The following FCHO1 variants were observed in gnomAD, a reference collection of about 807,000 sequenced individuals.
The protein encoded by FCHO1 is FCH and mu domain containing endocytic adaptor 1, also known as F-BAR domain only protein 1.
Under a neutral mutation model 114.4 loss-of-function variants are expected in FCHO1, and 45 were observed. The ratio of observed to expected loss-of-function variants is 0.39; its 90% CI spans 0.31 to 0.50. FCHO1 has a LOEUF of 0.50. Ranked by LOEUF, FCHO1 falls within the 20% of genes least tolerant of loss-of-function variation. The pLI is 0.77. For missense variants in FCHO1, 1,042 were observed against 1,209.6 expected (o/e 0.86, Z 2.06); for synonymous variants, 480 against 488.9 (o/e 0.98, Z 0.24).
chr19:17,783,275 T>C (rs2093593111), intron 24 of FCHO1, 103 bp downstream of exon 24: 5 of 1,306,312 alleles, frequency 3.8e-6, no homozygotes, highest in Non-Finnish European at 5.2e-6. Context: ...TCTTTTCTTT[T>C]TTTTTTGTAG....
intron 4 of FCHO1, among the ~76,000 whole-genome samples, chr19:17,762,307 T>A (rs533436456): frequency 7.2e-5 from 11 of 151,730 alleles, no homozygotes; most frequent in South Asian, 4.2e-4. Context: ...TTTTTTTTTT[T>A]AAATATAAAA....
At chr19:17,779,104 T>A (rs552415879) in intron 20 of FCHO1, among the ~76,000 whole-genome samples, 2 of 152,046 alleles carry the variant, frequency 1.3e-5, no homozygotes, top group South Asian at 4.1e-4. Context: ...ACATCTGAGC[T>A]GAGATTTGAG....
intron 26 of FCHO1, among the ~76,000 whole-genome samples, chr19:17,785,599 C>T (rs1310856234): frequency 1.3e-5 from 2 of 152,008 alleles, no homozygotes; most frequent in African/African-American, 2.4e-5. Flanking sequence ...TTTGGGAGGC[C>T]GAGATGGGCA....
At position 17,788,501 on chromosome 19, in the gene FCHO1, G is replaced by C; in HGVS notation, c.*195G>C. On this transcript the variant is annotated 3_prime_UTR_variant, in exon 29 of 29. Coordinates refer to ENST00000596536, the MANE Select transcript of FCHO1 (RefSeq NM_015122.3). ...CTCATGCCAACCCCACACAGGTCCC[G>C]GCCTTTTAATGTTCTTTGAATAAAC... 1 of 556,202 alleles carries C rather than the reference G, an allele frequency of 1.8e-6. No individual in the cohort carries two copies. Among genetic ancestry groups the C allele is most frequent in the East Asian group, 3.2e-5 (1 of 31,326 alleles). 34.5% of individuals were successfully genotyped at this position (556,202 alleles called of 1,614,324 possible).
Position 17,784,339 on chromosome 19 carries a change from T to C in FCHO1, c.2226+104T>C, listed in dbSNP as rs1056081737. The stretch of plus-strand genomic sequence containing the variant: ...GCGTGTTGGCCAGGCTGGTCTCGAA[T>C]TCCTGACCTCAAGAGATCCAATCTG... On this transcript the variant is annotated intron_variant, in intron 25 of 28. Transcript: ENST00000596536. This position sits in a 1 kb window ranked among gnomAD's most constrained non-coding sequence, Gnocchi z 5.3. 12 of 1,394,880 alleles carry C rather than the reference T, an allele frequency of 8.6e-6. No homozygotes were observed. The African/African-American group carries it at 1.6e-4, about 18-fold the overall frequency. 86.4% of individuals were successfully genotyped at this position (1,394,880 alleles called of 1,614,324 possible).
intron 4 of FCHO1, among the ~76,000 whole-genome samples, chr19:17,761,391 A>G (rs1445445562): frequency 1.2e-5 from 1 of 84,564 alleles, no homozygotes; most frequent in Non-Finnish European, 2.5e-5. Context: ...CAGCAACTCA[A>G]TTTAACACAC....
Position 17,776,569 on chromosome 19 carries a change from G to A in FCHO1, c.1208-66G>A. On this transcript the variant is annotated intron_variant, in intron 17 of 28. Transcript: ENST00000596536. This position sits in a 1 kb window ranked among gnomAD's most constrained non-coding sequence, Gnocchi z 4.4. ...GACACCCCCGAGCCTCGGTCCCTTG[G>A]TCTGTGGAGTGGGGAGCATTGCAGG... The A allele has an allele frequency of 6.3e-7, 1 of 1,578,784 alleles. No individual in the cohort carries two copies. Among genetic ancestry groups the A allele is most frequent in the East Asian group, 2.2e-5 (1 of 44,694 alleles).
At chr19:17,762,932 A>C (rs571544126) in intron 5 of FCHO1, 79 bp downstream of exon 5, 1 of 987,570 alleles carries the variant, frequency 1.0e-6, no homozygotes, top group Non-Finnish European at 1.6e-6. Flanking sequence ...TACGCCCTGC[A>C]TGGTCAGGGG....
chr19:17,784,499 A>C lies in FCHO1; in HGVS notation c.2227-226A>C, dbSNP rs568065122. Among the ~76,000 whole-genome samples, 1 of 152,186 alleles carries C rather than the reference A, an allele frequency of 6.6e-6. No individual in the cohort carries two copies. The highest frequency in any genetic ancestry group is 2.4e-5 in the African/African-American group (1 of 41,498). On this transcript the variant is annotated intron_variant, in intron 25 of 28. Coordinates refer to ENST00000596536, the MANE Select transcript of FCHO1 (RefSeq NM_015122.3). The surrounding 1 kb of genome is among the most constrained non-coding windows in gnomAD (Gnocchi z 5.3). The stretch of plus-strand genomic sequence containing the variant: ...TGAACTAGAAGCAGCCCAGCCCCGG[A>C]ACCTTACACTTGAACTTCCCTGGGA...
At chr19:17,770,933 A>T (rs1272766761) in intron 9 of FCHO1, 37 bp downstream of exon 9, 1 of 1,554,758 alleles carries the variant, frequency 6.4e-7, no homozygotes, top group Non-Finnish European at 8.9e-7. Flanking sequence ...AGACCCACAC[A>T]TGCCTTTGCC....
Position 17,784,273 on chromosome 19 carries a change from G to A in FCHO1, c.2226+38G>A, listed in dbSNP as rs978961534. ...CATGGGGCCGGGAGGAGGTGGTGGA[G>A]TGGGGGACACGGTGAGCCGGCAGCA... On this transcript the variant is annotated intron_variant, in intron 25 of 28. Coordinates refer to ENST00000596536, the MANE Select transcript of FCHO1 (RefSeq NM_015122.3). The surrounding 1 kb of genome is among the most constrained non-coding windows in gnomAD (Gnocchi z 5.3). 1.9e-6 allele frequency: 3 copies of A among 1,564,002 alleles called. No homozygotes were observed. The highest frequency in any genetic ancestry group is 2.6e-6 in the Non-Finnish European group (3 of 1,154,336).
At chr19:17,773,887 TTCTCTC>T (rs781112035) in intron 11 of FCHO1, among the ~76,000 whole-genome samples, 2 of 130,668 alleles carry the variant, frequency 1.5e-5, no homozygotes, top group Non-Finnish European at 3.2e-5. Flanking sequence ...TTTAGTTTCT[TTCTCTC>T]TCTCTCTCTC....
At chr19:17,762,493 G>GA (rs1443650110) in intron 4 of FCHO1, among the ~76,000 whole-genome samples, 2 of 152,074 alleles carry the variant, frequency 1.3e-5, no homozygotes, top group Non-Finnish European at 2.9e-5. Context: ...CACAAAGACA[G>GA]AAGGAGACAA....
intron 4 of FCHO1, among the ~76,000 whole-genome samples, chr19:17,757,689 C>T (rs892607361): frequency 5.9e-5 from 9 of 152,094 alleles, no homozygotes; most frequent in Admixed American, 3.3e-4. Context: ...GCTGAGATGG[C>T]GGATCGCCTG....
intron 7 of FCHO1, among the ~76,000 whole-genome samples, chr19:17,768,709 C>CA (rs34106142): frequency 0.44 from 48,224 of 109,352 alleles, 8,877 homozygotes; most frequent in Non-Finnish European, 0.52. Flanking sequence ...CAAAACAAGG[C>CA]AAAAAAAAAA....
At chr19:17,773,698 T>TCA (rs1324217812) in intron 11 of FCHO1, among the ~76,000 whole-genome samples, 3 of 152,148 alleles carry the variant, frequency 2.0e-5, no homozygotes. Flanking sequence ...GTAGCTCATG[T>TCA]CACCCCCTGC....
intron 19 of FCHO1, 107 bp from the exon 20 acceptor site, chr19:17,778,502 T>G: frequency 3.7e-6 from 5 of 1,339,336 alleles, no homozygotes; most frequent in Non-Finnish European, 5.0e-6. Flanking sequence ...GGACTTTGAA[T>G]GGGGGCCCCC....
chr19:17,788,403 C>G lies in FCHO1; in HGVS notation c.*97C>G. 3.4e-6 allele frequency: 3 copies of G among 891,780 alleles called. No homozygotes were observed. The highest frequency in any genetic ancestry group is 5.5e-6 in the Non-Finnish European group (3 of 550,126). The allele number at this position is 891,780 out of a possible 1,614,324, so 55.2% of individuals were successfully genotyped here. A position where few individuals can be genotyped will look rare whatever the true frequency, so the allele number is the denominator to read the frequency against. ...GGACCCTGGGGCCTCCCACCCCAGC[C>G]TCCCTGAGGCCCATACTCCACGGAG... On this transcript the variant is annotated 3_prime_UTR_variant, in exon 29 of 29. Coordinates refer to ENST00000596536, the MANE Select transcript of FCHO1 (RefSeq NM_015122.3).
At position 17,764,403 on chromosome 19, in the gene FCHO1, G is replaced by A. The variant is rs1399783833; in HGVS notation, c.148G>A (p.Ala50Thr). Residue 50 changes from alanine (A) to threonine (T), a missense_variant, in exon 6 of 29, where the codon GCG becomes ACG. Around this residue, in one of 3 missense-constraint regions of FCHO1, gnomAD observed 450 missense variants for 564.1 expected, o/e 0.80. Coordinates refer to ENST00000596536, the MANE Select transcript of FCHO1 (RefSeq NM_015122.3). ...RATIEETYSK[A>T]MAKLSKLASN... ...CACCATCGAGGAGACCTACTCGAAG[G>A]CGATGGCGAAACTCTCCAAGCTGGC... The A allele has an allele frequency of 1.9e-6, 3 of 1,613,604 alleles. No homozygotes were observed. Among genetic ancestry groups the A allele is most frequent in the South Asian group, 1.1e-5 (1 of 91,070 alleles).
Sources: allele counts gnomAD v4.1 joint callset (sites outside exome capture counted in the v4.1 genomes callset), GRCh38; gene constraint gnomAD v4.1.1; regional missense constraint gnomAD v4.1.1; non-coding constraint Gnocchi (gnomAD v3.1); transcripts MANE v1.5; gene names NCBI Gene and HGNC (gene_info 2026-07-23, HGNC 2026-07-21).